The following SLMAP variants were observed in gnomAD, a reference collection of about 807,000 sequenced individuals.
The protein encoded by SLMAP is sarcolemma associated protein.
A neutral mutation model predicts 128.8 loss-of-function variants in SLMAP; 44 were observed. That is an observed-to-expected ratio of 0.34 (90% CI 0.27 to 0.44). The LOEUF is 0.44. Ranked by LOEUF, SLMAP falls within the 20% of genes least tolerant of loss-of-function variation. The pLI is 1.00. For missense variants in SLMAP, 787 were observed against 985.3 expected, an observed-to-expected ratio of 0.80 and a Z score of 2.69; for synonymous variants, 327 against 348.8, an observed-to-expected ratio of 0.94 and a Z score of 0.70.
At chr3:57,914,690 C>G (rs1443457897) in intron 21 of SLMAP, among the ~76,000 whole-genome samples, 1 of 151,854 alleles carries the variant, frequency 6.6e-6, no homozygotes, top group East Asian at 1.9e-4. Context: ...TCAATCGATT[C>G]TCCTGCCTCA....
At chr3:57,857,849 T>C in intron 7 of SLMAP, 21 bp downstream of exon 7, 1 of 1,466,976 alleles carries the variant, frequency 6.8e-7, no homozygotes, top group Non-Finnish European at 9.5e-7. Context: ...TGTTTTATAT[T>C]TAAGAAACAT....
chr3:57,874,731 C>T (rs192656268), intron 14 of SLMAP, among the ~76,000 whole-genome samples: 3 of 151,896 alleles, frequency 2.0e-5, no homozygotes, highest in Non-Finnish European at 2.9e-5. Context: ...TGGTGGTGGG[C>T]GCCTGTAGTC....
chr3:57,772,792 C>A (rs1183484304), intron 2 of SLMAP, among the ~76,000 whole-genome samples: 2 of 152,112 alleles, frequency 1.3e-5, no homozygotes, highest in African/African-American at 2.4e-5. Flanking sequence ...AGGCATGCGC[C>A]ACCACGCCTG....
At chr3:57,766,699 A>G (rs1188784118) in intron 2 of SLMAP, among the ~76,000 whole-genome samples, 3 of 151,836 alleles carry the variant, frequency 2.0e-5, no homozygotes, top group Non-Finnish European at 4.4e-5. Flanking sequence ...CTTCACCCCA[A>G]ACTTTGTGTA....
chr3:57,775,705 A>G (rs1418771610), intron 2 of SLMAP, among the ~76,000 whole-genome samples: 1 of 151,420 alleles, frequency 6.6e-6, no homozygotes, highest in African/African-American at 2.4e-5. Flanking sequence ...AATTGTTATT[A>G]TGATTATTGT....
At chr3:57,762,594 C>T (rs934762008) in intron 2 of SLMAP, among the ~76,000 whole-genome samples, 6 of 152,046 alleles carry the variant, frequency 3.9e-5, no homozygotes, top group African/African-American at 1.4e-4. Context: ...TTTACCAAAT[C>T]ATCTTCTCAG....
intron 15 of SLMAP, among the ~76,000 whole-genome samples, chr3:57,895,679 T>C (rs1007687361): frequency 7.2e-5 from 11 of 151,926 alleles, no homozygotes; most frequent in Admixed American, 5.2e-4. Context: ...CAGTGGCTCA[T>C]GCCTGTAATT....
At chr3:57,806,233 G>A (rs946415388) in intron 2 of SLMAP, among the ~76,000 whole-genome samples, 2 of 151,888 alleles carry the variant, frequency 1.3e-5, no homozygotes, top group African/African-American at 4.8e-5. Flanking sequence ...ACTGGCCCTG[G>A]TGTGTGTTGT....
intron 2 of SLMAP, among the ~76,000 whole-genome samples, chr3:57,823,124 A>G (rs1205220460): frequency 6.6e-6 from 1 of 152,212 alleles, no homozygotes; most frequent in Non-Finnish European, 1.5e-5. Context: ...GCTGGGGGGA[A>G]AAATGGACAG....
chr3:57,910,466 G>A (rs2096667083), intron 19 of SLMAP, among the ~76,000 whole-genome samples: 2 of 152,188 alleles, frequency 1.3e-5, no homozygotes, highest in African/African-American at 4.8e-5. Flanking sequence ...ACAGGCATGA[G>A]CCACTGCACC....
chr3:57,821,271 A>G (rs1238699446), intron 2 of SLMAP, among the ~76,000 whole-genome samples: 1 of 152,168 alleles, frequency 6.6e-6, no homozygotes, highest in Non-Finnish European at 1.5e-5. Context: ...TGGCCCCAAA[A>G]GAAAGATTTA....
At chr3:57,851,423 G>T (rs2094495959) in intron 6 of SLMAP, among the ~76,000 whole-genome samples, 1 of 149,928 alleles carries the variant, frequency 6.7e-6, no homozygotes, top group African/African-American at 2.4e-5. Flanking sequence ...AGGGAGCATG[G>T]TTAAAGAAAA....
At chr3:57,913,836 T>C (rs1350004303) in intron 21 of SLMAP, among the ~76,000 whole-genome samples, 2 of 152,058 alleles carry the variant, frequency 1.3e-5, no homozygotes, top group African/African-American at 4.8e-5. Context: ...TGTGTGCTTG[T>C]AGTCTTGGCT....
chr3:57,925,339 T>C (rs1345984808), intron 23 of SLMAP, among the ~76,000 whole-genome samples: 3 of 151,392 alleles, frequency 2.0e-5, no homozygotes, highest in Admixed American at 6.6e-5. Context: ...TTTCTCTTTT[T>C]TTTTTTTTTT....
intron 17 of SLMAP, among the ~76,000 whole-genome samples, chr3:57,906,332 T>TTTTTTTTTTTTTTTTTTTTTTTTTTC (rs1491216777): frequency 1.5e-5 from 2 of 137,030 alleles, no homozygotes; most frequent in East Asian, 2.2e-4. Context: ...TTTTTTTTTT[T>TTTTTTTTTTTTTTTTTTTTTTTTTTC]AGAGACACAG....
At chr3:57,815,643 G>T (rs1032206247) in intron 2 of SLMAP, among the ~76,000 whole-genome samples, 11 of 150,904 alleles carry the variant, frequency 7.3e-5, no homozygotes, top group Non-Finnish European at 1.2e-4. Context: ...ATATCTTTTG[G>T]TTTTTTTTAA....
chr3:57,840,888 G>A (rs1208909747), intron 3 of SLMAP, among the ~76,000 whole-genome samples: 1 of 152,162 alleles, frequency 6.6e-6, no homozygotes, highest in African/African-American at 2.4e-5. Flanking sequence ...GTTTTGTGAG[G>A]TGTGGTTAGG....
At chr3:57,797,151 C>T (rs868864110) in intron 2 of SLMAP, among the ~76,000 whole-genome samples, 1 of 146,758 alleles carries the variant, frequency 6.8e-6, no homozygotes, top group African/African-American at 2.5e-5. Context: ...CACTGCCCTC[C>T]AGCCTGGGTG....
intron 2 of SLMAP, among the ~76,000 whole-genome samples, chr3:57,829,533 G>C (rs1215942906): frequency 6.6e-6 from 1 of 151,814 alleles, no homozygotes; most frequent in Non-Finnish European, 1.5e-5. Context: ...AAATTTTGAG[G>C]GTAAATATTC....
Sources: allele counts gnomAD v4.1 joint callset (sites outside exome capture counted in the v4.1 genomes callset), GRCh38; gene constraint gnomAD v4.1.1; transcripts MANE v1.5; gene names NCBI Gene and HGNC (gene_info 2026-07-23, HGNC 2026-07-21).